Variants in COMMD10 observed in about 807,000 individuals in gnomAD.
COMMD10 encodes the protein COMM domain-containing protein 10.
A neutral mutation model predicts 28.9 loss-of-function variants in COMMD10; 33 were observed. That is an observed-to-expected ratio of 1.14 (90% confidence interval 0.87 to 1.53). The LOEUF is 1.53. COMMD10 is among the 40% of genes most tolerant of loss of function. COMMD10 has a pLI of 0.00. For synonymous variants in COMMD10, 110 were observed against 81.7 expected (o/e 1.35, Z -1.87); for missense variants, 310 against 233.4 (o/e 1.33, Z -2.14).
chr5:116,180,057 A>G (rs899481133), intron 5 of COMMD10, among the ~76,000 whole-genome samples: 1 of 152,130 alleles, frequency 6.6e-6, no homozygotes, highest in African/African-American at 2.4e-5. Flanking sequence ...TCAGTATTAA[A>G]GCTTACTGTA....
At chr5:116,164,079 A>C (rs1580508010) in intron 5 of COMMD10, among the ~76,000 whole-genome samples, 1 of 152,070 alleles carries the variant, frequency 6.6e-6, no homozygotes, top group African/African-American at 2.4e-5. Context: ...CATTTTGGGA[A>C]GCTAAGGAGG....
intron 4 of COMMD10, among the ~76,000 whole-genome samples, chr5:116,110,123 T>G (rs931610964): frequency 6.6e-6 from 1 of 152,204 alleles, no homozygotes; most frequent in Non-Finnish European, 1.5e-5. Flanking sequence ...AGTCTATTGG[T>G]TTGATCATAA....
At chr5:116,285,579 G>A (rs1305756294) in intron 5 of COMMD10, among the ~76,000 whole-genome samples, 1 of 151,954 alleles carries the variant, frequency 6.6e-6, no homozygotes, top group East Asian at 1.9e-4. Context: ...ACAGACATAA[G>A]TCAGATGCTT....
rs747182763 is a variant in COMMD10, at chr5:116,091,123, G to C, written c.177G>C (p.Ala59=). 2.5e-6 allele frequency: 4 copies of C among 1,611,618 alleles called. No individual in the cohort carries two copies. Among genetic ancestry groups the C allele is most frequent in the Middle Eastern group, 1.7e-4 (1 of 6,048 alleles). ...FSEEEEEKLQ[A]AFSLEKQDLH... ...AAGAAGAGGAAGAAAAACTTCAAGC[G>C]GCATTTTCTCTAGAGAAACAAGATC... The change falls in exon 3 of 7, where the codon GCG becomes GCC. Residue 59 remains alanine, a synonymous_variant. Coordinates refer to ENST00000274458, the MANE Select transcript of COMMD10 (RefSeq NM_016144.4).
intron 5 of COMMD10, among the ~76,000 whole-genome samples, chr5:116,153,766 T>C (rs1015203588): frequency 1.3e-5 from 2 of 152,132 alleles, no homozygotes; most frequent in African/African-American, 4.8e-5. Flanking sequence ...CCCTATTCTT[T>C]ATCTTGCTCT....
At chr5:116,193,794 T>C (rs1748434897) in intron 5 of COMMD10, among the ~76,000 whole-genome samples, 1 of 152,116 alleles carries the variant, frequency 6.6e-6, no homozygotes. Flanking sequence ...ACAATGAATT[T>C]GTACCTTGGA....
chr5:116,204,482 C>G (rs1291003129), intron 5 of COMMD10, among the ~76,000 whole-genome samples: 1 of 150,672 alleles, frequency 6.6e-6, no homozygotes, highest in Non-Finnish European at 1.5e-5. Flanking sequence ...AGTTCTGGTT[C>G]CTGATGGTAC....
At chr5:116,163,146 T>C (rs150855202) in intron 5 of COMMD10, among the ~76,000 whole-genome samples, 1 of 141,102 alleles carries the variant, frequency 7.1e-6, no homozygotes, top group African/African-American at 2.8e-5. Context: ...AATTCAGCAT[T>C]AGATATATAC....
At chr5:116,185,641 A>C (rs73780867) in intron 5 of COMMD10, among the ~76,000 whole-genome samples, 2 of 152,124 alleles carry the variant, frequency 1.3e-5, no homozygotes, top group Non-Finnish European at 2.9e-5. Context: ...CAAGGGTCCT[A>C]TGTAAAGAGG....
intron 5 of COMMD10, among the ~76,000 whole-genome samples, chr5:116,167,124 A>C (rs1282117240): frequency 6.6e-6 from 1 of 150,602 alleles, no homozygotes; most frequent in Admixed American, 6.6e-5. Flanking sequence ...AGGAATTGCT[A>C]ATTAAAATAA....
chr5:116,256,496 T>C (rs1038633879), intron 5 of COMMD10, among the ~76,000 whole-genome samples: 2 of 151,718 alleles, frequency 1.3e-5, no homozygotes, highest in Non-Finnish European at 2.9e-5. Context: ...AGAATCTTGA[T>C]TAATGGTTCT....
At chr5:116,265,608 A>C (rs1750563287) in intron 5 of COMMD10, among the ~76,000 whole-genome samples, 1 of 151,804 alleles carries the variant, frequency 6.6e-6, no homozygotes, top group Non-Finnish European at 1.5e-5. Flanking sequence ...TTTATTAAAC[A>C]TCTGTTGTAT....
chr5:116,160,289 A>T (rs1295528289), intron 5 of COMMD10, among the ~76,000 whole-genome samples: 2 of 152,200 alleles, frequency 1.3e-5, no homozygotes, highest in East Asian at 1.9e-4. Flanking sequence ...ATGAGTTTTT[A>T]AAAAATATAA....
intron 5 of COMMD10, among the ~76,000 whole-genome samples, chr5:116,165,891 A>G (rs189035110): frequency 2.6e-3 from 390 of 152,216 alleles, no homozygotes; most frequent in Non-Finnish European, 4.4e-3. Flanking sequence ...TTTGGGGTAT[A>G]CAAGAATTCA....
intron 4 of COMMD10, among the ~76,000 whole-genome samples, chr5:116,094,812 T>C (rs1750415906): frequency 6.6e-6 from 1 of 152,216 alleles, no homozygotes; most frequent in African/African-American, 2.4e-5. Flanking sequence ...GAATTTGGTA[T>C]AATTACACAC....
At chr5:116,198,622 A>C (rs1748588387) in intron 5 of COMMD10, among the ~76,000 whole-genome samples, 2 of 152,178 alleles carry the variant, frequency 1.3e-5, no homozygotes, top group Non-Finnish European at 2.9e-5. Flanking sequence ...CCACCACTGT[A>C]GTATCATATA....
intron 5 of COMMD10, among the ~76,000 whole-genome samples, chr5:116,278,637 C>T (rs137902624): frequency 1.3e-5 from 2 of 151,802 alleles, no homozygotes; most frequent in Admixed American, 6.6e-5. Flanking sequence ...CATGCGCTCT[C>T]TTATACGATT....
At chr5:116,087,673 A>G (rs1750152211) in intron 2 of COMMD10, 86 bp downstream of exon 2, 2 of 884,468 alleles carry the variant, frequency 2.3e-6, no homozygotes, top group Middle Eastern at 2.1e-4. Flanking sequence ...TTTGCAAAGC[A>G]TAGTGTTCTC....
intron 5 of COMMD10, among the ~76,000 whole-genome samples, chr5:116,206,914 C>G (rs1748827891): frequency 6.6e-6 from 1 of 152,128 alleles, no homozygotes; most frequent in Admixed American, 6.5e-5. Context: ...AACAGCTCTT[C>G]TCTCTCCATC....
Sources: gnomAD v4.1 joint callset for allele counts (sites outside exome capture counted in the v4.1 genomes callset) on GRCh38, gnomAD v4.1.1 for gene constraint, MANE v1.5 for transcripts, NCBI Gene and HGNC (gene_info 2026-07-23, HGNC 2026-07-21) for gene names.